Variants in SASH1 observed in about 807,000 individuals in gnomAD.
SASH1 encodes the protein SAM and SH3 domain-containing protein 1.
In SASH1, 44 loss-of-function variants were observed where a neutral mutation model predicts 125.2. That is an observed-to-expected ratio of 0.35 (90% CI 0.28 to 0.45). The LOEUF (loss-of-function observed/expected upper bound fraction) is 0.45, where lower values mean the gene tolerates loss of function less well. Ranked by LOEUF, SASH1 falls within the 20% of genes least tolerant of loss-of-function variation. The probability of loss-of-function intolerance (pLI) is 1.00; values close to 1 mark genes in which losing one functional copy is unlikely to be tolerated. For synonymous variants in SASH1, 639 were observed against 649.1 expected (o/e 0.98, Z 0.24); for missense variants, 1,426 against 1,614.5 (o/e 0.88, Z 2.00).
chr6:148,350,748 C>T (rs1396061859), intron 1 of SASH1, among the ~76,000 whole-genome samples: 1 of 152,214 alleles, frequency 6.6e-6, no homozygotes, highest in Non-Finnish European at 1.5e-5. Context: ...GAGACTGACT[C>T]TCACTATCAG....
intron 1 of SASH1, among the ~76,000 whole-genome samples, chr6:148,278,184 C>T (rs998372761): frequency 1.2e-4 from 19 of 152,028 alleles, no homozygotes; most frequent in Non-Finnish European, 2.2e-4. Context: ...TATAGGCATC[C>T]GCCACCATGC....
rs1782727463 is a variant in SASH1, at chr6:148,548,858, G to A, written c.*300G>A. 3.4e-6 allele frequency: 1 copy of A among 293,220 alleles called. No homozygotes were observed. Among genetic ancestry groups the A allele is most frequent in the Admixed American group, 4.7e-5 (1 of 21,094 alleles). The allele number at this position is 293,220 out of a possible 1,614,324, so 18.2% of individuals were successfully genotyped here. On this transcript the variant is annotated 3_prime_UTR_variant, in exon 20 of 20. Transcript: ENST00000367467. Reference sequence around the variant, plus strand: ...ACTGGCTGCGAATGCTCTATCTCCAGTCTGTCTCTGTGTACTGGTAGAGGC... The same window carrying A: ...ACTGGCTGCGAATGCTCTATCTCCAATCTGTCTCTGTGTACTGGTAGAGGC...
At chr6:148,214,308 G>A in the SASH1 span, among the ~76,000 whole-genome samples, 1 of 152,124 alleles carries the variant, frequency 6.6e-6, no homozygotes, top group Admixed American at 6.5e-5. Flanking sequence ...CCCTCATTTC[G>A]CACATGTTAA....
chr6:148,379,441 A>G (rs902592297), intron 1 of SASH1, among the ~76,000 whole-genome samples: 3 of 152,154 alleles, frequency 2.0e-5, no homozygotes, highest in African/African-American at 4.8e-5. Context: ...ATTAGACTGT[A>G]TTACTCTTGT....
chr6:148,249,113 C>T, the SASH1 span, among the ~76,000 whole-genome samples: 2 of 152,126 alleles, frequency 1.3e-5, no homozygotes, highest in Non-Finnish European at 2.9e-5. Flanking sequence ...AAGAAGCACG[C>T]CAGCAAAATG....
intron 1 of SASH1, among the ~76,000 whole-genome samples, chr6:148,351,420 A>G (rs538987898): frequency 1.3e-5 from 2 of 151,902 alleles, no homozygotes; most frequent in African/African-American, 4.8e-5. Flanking sequence ...GTTGATTTTG[A>G]TGTTTCATTC....
At chr6:148,260,729 A>G in the SASH1 span, among the ~76,000 whole-genome samples, 1 of 151,774 alleles carries the variant, frequency 6.6e-6, no homozygotes, top group Non-Finnish European at 1.5e-5. Context: ...AAATATAATA[A>G]CATTAATCAG....
chr6:148,235,566 GT>G, the SASH1 span, among the ~76,000 whole-genome samples: 18,772 of 152,130 alleles, frequency 0.12, 1,392 homozygotes, highest in Middle Eastern at 0.19. Flanking sequence ...GAACTCAGCA[GT>G]TTCCAGGATA....
chr6:148,534,898 G>A lies in SASH1; in HGVS notation c.2092G>A (p.Asp698Asn). The change falls in exon 16 of 20, where the codon GAC (aspartate) becomes AAC (asparagine). Residue 698 changes from aspartate (D) to asparagine (N), a missense_variant. Asp to Asn is a conservative substitution (Grantham distance 23, BLOSUM62 1). This residue lies in a region of SASH1 where 225 missense variants were observed against 344.5 expected (regional missense o/e 0.65). Transcript: ENST00000367467. Reference sequence around the variant, plus strand: ...AGCAGTGGAGCTGTTACAAGAGTATGACAGTAAGTCCCTGTATGCACAGAG... The same window carrying A: ...AGCAGTGGAGCTGTTACAAGAGTATAACAGTAAGTCCCTGTATGCACAGAG... ...LTAVELLQEY[D>N]SNSDQSGSQE... is the part of the protein sequence containing the mutation. 2 of 1,614,082 alleles carry A rather than the reference G, an allele frequency of 1.2e-6. No individual in the cohort carries two copies. Among genetic ancestry groups the A allele is most frequent in the South Asian group, 1.1e-5 (1 of 91,072 alleles).
At chr6:148,325,261 T>TTGTTGTTG (rs147161125) in intron 1 of SASH1, among the ~76,000 whole-genome samples, 25,871 of 149,896 alleles carry the variant, frequency 0.17, 2,570 homozygotes, top group East Asian at 0.25. Context: ...AAAAGCCTCT[T>TTGTTGTTG]TTGTTGTTGT....
chr6:148,511,992 A>G (rs1370981692), intron 8 of SASH1, among the ~76,000 whole-genome samples: 1 of 131,396 alleles, frequency 7.6e-6, no homozygotes, highest in Non-Finnish European at 1.7e-5. Context: ...TTTCATTTTC[A>G]TTTGATTTCA....
chr6:148,350,053 G>A (rs557825367), intron 1 of SASH1, among the ~76,000 whole-genome samples: 128 of 151,916 alleles, frequency 8.4e-4, no homozygotes, highest in African/African-American at 3.0e-3. Flanking sequence ...CACCGTGTTA[G>A]CCAGGATGGT....
intron 8 of SASH1, among the ~76,000 whole-genome samples, chr6:148,488,292 T>C (rs1194332101): frequency 1.3e-5 from 2 of 152,242 alleles, no homozygotes; most frequent in African/African-American, 4.8e-5. Flanking sequence ...TCTTTCAGGG[T>C]TCATCCACGC....
the SASH1 span, among the ~76,000 whole-genome samples, chr6:148,264,088 T>A: frequency 6.6e-6 from 1 of 151,334 alleles, no homozygotes; most frequent in Non-Finnish European, 1.5e-5. Context: ...GATGTAACTT[T>A]CAACACCTTT....
upstream of SASH1, among the ~76,000 whole-genome samples, chr6:148,269,987 T>A (rs1475898809): frequency 6.6e-6 from 1 of 152,010 alleles, no homozygotes; most frequent in Non-Finnish European, 1.5e-5. Context: ...AGTATACAAT[T>A]ATTTTCTGCC....
chr6:148,362,127 CCG>C (rs1782249972), intron 1 of SASH1, among the ~76,000 whole-genome samples: 5 of 151,480 alleles, frequency 3.3e-5, no homozygotes, highest in Non-Finnish European at 7.4e-5. Flanking sequence ...CGGGGTTTCT[CCG>C]TGTTAGCCAG....
intron 2 of SASH1, among the ~76,000 whole-genome samples, chr6:148,429,413 G>A (rs1273335498): frequency 5.8e-4 from 59 of 101,118 alleles, no homozygotes; most frequent in East Asian, 9.3e-4. Flanking sequence ...AAAAAAAAAA[G>A]AGGAAGGAAA....
At chr6:148,308,213 A>G (rs921089193) in intron 1 of SASH1, among the ~76,000 whole-genome samples, 1 of 151,972 alleles carries the variant, frequency 6.6e-6, no homozygotes, top group Non-Finnish European at 1.5e-5. Flanking sequence ...GTATATATGT[A>G]TCGCACCTTG....
At chr6:148,464,771 C>T (rs916614515) in intron 4 of SASH1, among the ~76,000 whole-genome samples, 9 of 152,042 alleles carry the variant, frequency 5.9e-5, no homozygotes, top group Non-Finnish European at 1.2e-4. Context: ...TTGGATTCAA[C>T]GTAAAATTCA....
Sources: allele counts gnomAD v4.1 joint callset (sites outside exome capture counted in the v4.1 genomes callset), GRCh38; gene constraint gnomAD v4.1.1; regional missense constraint gnomAD v4.1.1; transcripts MANE v1.5; gene names NCBI Gene and HGNC (gene_info 2026-07-23, HGNC 2026-07-21).